The following BLTP1 variants were observed in gnomAD, a reference collection of about 807,000 sequenced individuals.
BLTP1 encodes the protein fragile site-associated protein.
the BLTP1 span, among the ~76,000 whole-genome samples, chr4:122,270,646 A>AG: frequency 0.26 from 38,766 of 151,452 alleles, 5,763 homozygotes; most frequent in South Asian, 0.48. Flanking sequence ...AGATTGTAGG[A>AG]GGGGGGGATG....
the BLTP1 span, chr4:122,341,766 A>G: frequency 9.1e-6 from 9 of 985,198 alleles, no homozygotes; most frequent in African/African-American, 1.7e-5. Flanking sequence ...TAGCTAGTAG[A>G]TGTGGTCCAT....
chr4:122,186,986 G>C, the BLTP1 span: 7 of 983,838 alleles, frequency 7.1e-6, no homozygotes, highest in Non-Finnish European at 8.4e-6. Flanking sequence ...GGTGAGGGAA[G>C]GAAGAGGAGC....
At chr4:122,302,917 A>G in the BLTP1 span, among the ~76,000 whole-genome samples, 2 of 152,346 alleles carry the variant, frequency 1.3e-5, no homozygotes, top group South Asian at 2.1e-4. Flanking sequence ...CTTGGAAGCT[A>G]GCAGAGATTG....
At chr4:122,297,676 G>A in the BLTP1 span, among the ~76,000 whole-genome samples, 74 of 152,190 alleles carry the variant, frequency 4.9e-4, no homozygotes, top group Admixed American at 1.0e-3. Context: ...ATCAATGATA[G>A]ACTGGATAAA....
chr4:122,152,692 T>C, the BLTP1 span: 1 of 939,686 alleles, frequency 1.1e-6, no homozygotes, highest in Non-Finnish European at 1.3e-6. Context: ...TAGTAGTGGC[T>C]GCCTGCGGCG....
the BLTP1 span, chr4:122,172,483 A>T: frequency 3.8e-6 from 1 of 259,842 alleles, no homozygotes; most frequent in South Asian, 1.5e-4. Context: ...ATGACATCAT[A>T]ACTTATTGTC....
chr4:122,165,946 T>G, the BLTP1 span, among the ~76,000 whole-genome samples: 296 of 151,744 alleles, frequency 2.0e-3, 2 homozygotes, highest in African/African-American at 6.8e-3. Context: ...TAAATTTGTT[T>G]GAGTTCATTG....
At chr4:122,263,612 T>C in the BLTP1 span, 7 of 1,553,668 alleles carry the variant, frequency 4.5e-6, no homozygotes, top group Middle Eastern at 3.4e-4. Flanking sequence ...TATTGAGTTA[T>C]CACATTATTT....
the BLTP1 span, chr4:122,202,620 T>C: frequency 7.8e-6 from 5 of 642,584 alleles, no homozygotes; most frequent in Non-Finnish European, 9.7e-6. Context: ...TAGATACCTA[T>C]CATCAAGTAT....
chr4:122,212,604 A>G, the BLTP1 span, among the ~76,000 whole-genome samples: 1 of 151,644 alleles, frequency 6.6e-6, no homozygotes, highest in Non-Finnish European at 1.5e-5. Context: ...ATGGAACCTC[A>G]GTTTGTTTTT....
chr4:122,161,338 G>A, the BLTP1 span: 1 of 156,496 alleles, frequency 6.4e-6, no homozygotes, highest in South Asian at 2.0e-4. Context: ...CTTTTTTTTG[G>A]CAGGCCGGTT....
the BLTP1 span, chr4:122,271,590 C>G: frequency 6.2e-7 from 1 of 1,613,304 alleles, no homozygotes; most frequent in Non-Finnish European, 8.5e-7. Context: ...GACTCTGATT[C>G]AATTACAGTG....
chr4:122,279,697 T>C, the BLTP1 span: 8 of 1,460,176 alleles, frequency 5.5e-6, no homozygotes, highest in Non-Finnish European at 7.3e-6. Context: ...GTATTTTTCT[T>C]GCTCTCAATA....
the BLTP1 span, chr4:122,261,740 A>G: frequency 2.0e-6 from 2 of 980,532 alleles, no homozygotes. Context: ...ATCCTTTAGG[A>G]CAGAATATCT....
the BLTP1 span, chr4:122,315,588 G>A: frequency 6.2e-7 from 1 of 1,614,042 alleles, no homozygotes; most frequent in South Asian, 1.1e-5. Flanking sequence ...ACACTGACAG[G>A]AGAGGAAGAC....
At chr4:122,153,137 C>CA in the BLTP1 span, 2 of 532,554 alleles carry the variant, frequency 3.8e-6, no homozygotes, top group Non-Finnish European at 4.8e-6. Flanking sequence ...GATTTTTCTT[C>CA]CGGAGAGTAT....
the BLTP1 span, chr4:122,221,038 G>T: frequency 1.0e-6 from 1 of 970,108 alleles, no homozygotes; most frequent in South Asian, 4.8e-5. Flanking sequence ...ATGGCTTTCT[G>T]TGGCAACTAC....
the BLTP1 span, among the ~76,000 whole-genome samples, chr4:122,233,750 T>C: frequency 6.6e-6 from 1 of 152,188 alleles, no homozygotes; most frequent in African/African-American, 2.4e-5. Context: ...AGATTCTCCC[T>C]ATTTTCTTTG....
chr4:122,316,514 A>T, the BLTP1 span: 1 of 553,500 alleles, frequency 1.8e-6, no homozygotes, highest in South Asian at 1.5e-5. Context: ...AGCCAGTCCC[A>T]TTTGAAAGCA....
Sources: gnomAD v4.1 joint callset for allele counts (sites outside exome capture counted in the v4.1 genomes callset) on GRCh38, gnomAD v4.1.1 for gene constraint, MANE v1.5 for transcripts, NCBI Gene and HGNC (gene_info 2026-07-23, HGNC 2026-07-21) for gene names.